ZBTB16: variants seen among roughly 807,000 people sequenced by gnomAD.
ZBTB16 encodes the protein zinc finger and BTB domain containing 16.
In ZBTB16, 8 loss-of-function variants were observed where a neutral mutation model predicts 56.8. The observed-to-expected ratio is 0.14, with a 90% CI of 0.08 to 0.25. The LOEUF is 0.25. ZBTB16 is among the 10% of genes least tolerant of loss of function. The pLI, the probability that ZBTB16 is intolerant of heterozygous loss-of-function variation, is 1.00. For synonymous variants in ZBTB16, 363 were observed against 368.5 expected, an observed-to-expected ratio of 0.98 and a Z score of 0.17; for missense variants, 625 against 903.0, an observed-to-expected ratio of 0.69 and a Z score of 3.95.
At chr11:114,156,932 C>G (rs1565656359) in intron 3 of ZBTB16, among the ~76,000 whole-genome samples, 1 of 152,100 alleles carries the variant, frequency 6.6e-6, no homozygotes, top group Non-Finnish European at 1.5e-5. Context: ...CAAAGCTGCT[C>G]TGCCCCACGA....
At chr11:114,207,424 G>T (rs1004457846) in intron 4 of ZBTB16, among the ~76,000 whole-genome samples, 6 of 151,982 alleles carry the variant, frequency 3.9e-5, no homozygotes, top group African/African-American at 1.5e-4. Flanking sequence ...GGCCCAGAAG[G>T]TTCCTCACAA....
chr11:114,128,135 G>A (rs948260981), intron 2 of ZBTB16, among the ~76,000 whole-genome samples: 14 of 152,210 alleles, frequency 9.2e-5, no homozygotes, highest in African/African-American at 2.4e-4. Flanking sequence ...ACTCAGTCTC[G>A]TCTGGTCCCT....
chr11:114,170,373 G>A (rs993549793), intron 3 of ZBTB16, among the ~76,000 whole-genome samples: 5 of 152,192 alleles, frequency 3.3e-5, no homozygotes, highest in African/African-American at 9.6e-5. Context: ...CCACCTCCTC[G>A]GACCACGTGG....
At position 114,143,725 on chromosome 11, in the gene ZBTB16, T is replaced by C. The variant is rs569877735; in HGVS notation, c.1269-12612T>C. On this transcript the variant is annotated intron_variant, in intron 2 of 6. Transcript: ENST00000335953. The surrounding 1 kb of genome is among the most constrained non-coding windows in gnomAD (Gnocchi z 6.4). The stretch of plus-strand genomic sequence containing the variant: ...CATGCCATGGACCGTCGCTGCATCA[T>C]CTAAGCACAGGGCACCCAGGCGGGT... Among the ~76,000 whole-genome samples, 29 of 152,286 alleles carry C rather than the reference T, an allele frequency of 1.9e-4. No homozygotes were observed. The highest frequency in any genetic ancestry group is 3.7e-4 in the Non-Finnish European group (25 of 68,032).
chr11:114,155,925 C>T (rs1411284581), intron 2 of ZBTB16, among the ~76,000 whole-genome samples: 1 of 152,084 alleles, frequency 6.6e-6, no homozygotes, highest in African/African-American at 2.4e-5. Flanking sequence ...CCCATGGGCT[C>T]GTTCACAGTC....
chr11:114,073,414 C>G (rs1393687224), intron 2 of ZBTB16, among the ~76,000 whole-genome samples: 1 of 152,074 alleles, frequency 6.6e-6, no homozygotes, highest in Non-Finnish European at 1.5e-5. Flanking sequence ...TCAGAAATTC[C>G]CCTTTCTACT....
intron 3 of ZBTB16, among the ~76,000 whole-genome samples, chr11:114,173,827 T>TC (rs1943035316): frequency 6.6e-6 from 1 of 152,246 alleles, no homozygotes; most frequent in African/African-American, 2.4e-5. Context: ...TCGTTTGCTA[T>TC]CATTCATCAA....
In ZBTB16 at chr11:114,253,046, G is replaced by A. The variant is rs1010305295; in HGVS notation, c.*2491G>A. Among the ~76,000 whole-genome samples the A allele has an allele frequency of 1.3e-5, 2 of 152,158 alleles. No homozygotes were observed. The highest frequency in any genetic ancestry group is 4.8e-5 in the African/African-American group (2 of 41,434). ...TGTGAAAAGGGTGAAATCATTTGGG[G>A]GAGGGGCCGTCTGTAAGAAATCATT... On this transcript the variant is annotated 3_prime_UTR_variant, in exon 7 of 7. Coordinates refer to ENST00000335953, the MANE Select transcript of ZBTB16 (RefSeq NM_006006.6).
chr11:114,248,377 T>A (rs1465373059), intron 6 of ZBTB16, among the ~76,000 whole-genome samples: 1 of 152,222 alleles, frequency 6.6e-6, no homozygotes, highest in African/African-American at 2.4e-5. Flanking sequence ...TGACACCACC[T>A]TAGTTGCTTA....
At chr11:114,207,590 A>AAGAC (rs1555155512) in intron 4 of ZBTB16, among the ~76,000 whole-genome samples, 297 of 143,716 alleles carry the variant, frequency 2.1e-3, no homozygotes, top group East Asian at 5.1e-3. Context: ...ACACACACAC[A>AAGAC]ACACACACAC....
intron 4 of ZBTB16, among the ~76,000 whole-genome samples, chr11:114,200,400 A>G (rs1346708905): frequency 6.6e-6 from 1 of 152,198 alleles, no homozygotes; most frequent in African/African-American, 2.4e-5. Context: ...TTGGAGGGGA[A>G]GGATAGAGTC....
At chr11:114,156,197 A>T (rs1942404501) in intron 2 of ZBTB16, 140 bp from the exon 3 acceptor site, 7 of 773,158 alleles carry the variant, frequency 9.1e-6, no homozygotes, top group Admixed American at 2.0e-5. Flanking sequence ...GGATCCAGGG[A>T]TGTGTTTCCA....
chr11:114,233,065 ATGCGCGCG>A (rs1368105157), intron 4 of ZBTB16, among the ~76,000 whole-genome samples: 4 of 57,700 alleles, frequency 6.9e-5, no homozygotes, highest in African/African-American at 1.1e-4. Flanking sequence ...GCACATACGC[ATGCGCGCG>A]CGCGCGCGCA....
At chr11:114,203,234 T>G (rs958315074) in intron 4 of ZBTB16, among the ~76,000 whole-genome samples, 1 of 152,198 alleles carries the variant, frequency 6.6e-6, no homozygotes, top group Non-Finnish European at 1.5e-5. Context: ...ATTCCATTTA[T>G]GTGAAAATGT....
intron 3 of ZBTB16, among the ~76,000 whole-genome samples, chr11:114,185,694 A>T (rs1202181218): frequency 1.3e-5 from 2 of 152,166 alleles, no homozygotes; most frequent in African/African-American, 4.8e-5. Flanking sequence ...ATTGCAGTGG[A>T]ATCACTGCAC....
chr11:114,135,895 C>T (rs980657526), intron 2 of ZBTB16, among the ~76,000 whole-genome samples: 1 of 152,170 alleles, frequency 6.6e-6, no homozygotes, highest in African/African-American at 2.4e-5. Context: ...GGAGGATGGA[C>T]TCTTATTCAG....
chr11:114,080,190 G>A (rs1204310827), intron 2 of ZBTB16, among the ~76,000 whole-genome samples: 1 of 151,836 alleles, frequency 6.6e-6, no homozygotes, highest in Non-Finnish European at 1.5e-5. Flanking sequence ...AGGAGCTTGT[G>A]TGTTCAAATC....
chr11:114,172,277 A>G (rs1181255109), intron 3 of ZBTB16, among the ~76,000 whole-genome samples: 1 of 152,198 alleles, frequency 6.6e-6, no homozygotes, highest in Non-Finnish European at 1.5e-5. Flanking sequence ...AAAACTGAAC[A>G]CTTTGCCTTA....
chr11:114,248,752 G>A (rs1944861761), intron 6 of ZBTB16, among the ~76,000 whole-genome samples: 1 of 152,208 alleles, frequency 6.6e-6, no homozygotes, highest in African/African-American at 2.4e-5. Flanking sequence ...AGGGTTGGGT[G>A]TCCGTTGATG....
Sources: allele counts gnomAD v4.1 joint callset (sites outside exome capture counted in the v4.1 genomes callset), GRCh38; gene constraint gnomAD v4.1.1; non-coding constraint Gnocchi (gnomAD v3.1); transcripts MANE v1.5; gene names NCBI Gene and HGNC (gene_info 2026-07-23, HGNC 2026-07-21).